Variants in GABRA3 observed in about 807,000 individuals in gnomAD.
The protein encoded by GABRA3 is gamma-aminobutyric acid type A receptor subunit alpha3.
In GABRA3, 10 loss-of-function variants were observed where a neutral mutation model predicts 30.1. That is an observed-to-expected ratio of 0.33 (90% CI 0.20 to 0.56). The LOEUF is 0.56. GABRA3 is among the 20% of genes least tolerant of loss of function. The pLI is 0.89. For synonymous variants in GABRA3, 151 were observed against 146.8 expected (o/e 1.03, Z -0.21); for missense variants, 233 against 392.0 (o/e 0.59, Z 3.42).
chrX:152,232,976 T>C (rs986328282), intron 5 of GABRA3, among the ~76,000 whole-genome samples: 1 of 111,069 alleles, frequency 9.0e-6, no homozygotes, highest in South Asian at 3.8e-4. Flanking sequence ...TCAACATCTG[T>C]TTTTTTGTTT....
intron 9 of GABRA3, among the ~76,000 whole-genome samples, chrX:152,174,073 G>T (rs1006077431): frequency 2.7e-5 from 3 of 110,707 alleles, no homozygotes; most frequent in Non-Finnish European, 5.7e-5. Flanking sequence ...AGTTTGCTGA[G>T]AATGATGGTT....
chrX:152,421,163 C>T (rs1296232970), intron 1 of GABRA3, among the ~76,000 whole-genome samples: 1 of 109,172 alleles, frequency 9.2e-6, no homozygotes, highest in Non-Finnish European at 1.9e-5. Flanking sequence ...TAATATATAC[C>T]TTTCGTTATA....
chrX:152,257,189 T>A (rs1457969739), intron 4 of GABRA3, among the ~76,000 whole-genome samples: 1 of 111,965 alleles, frequency 8.9e-6, no homozygotes, highest in Non-Finnish European at 1.9e-5. Context: ...AATTCCTTAA[T>A]CCATCACAAT....
chrX:152,172,004 T>C (rs1213258103), intron 9 of GABRA3, among the ~76,000 whole-genome samples: 1 of 111,772 alleles, frequency 8.9e-6, no homozygotes, highest in Non-Finnish European at 1.9e-5. Flanking sequence ...AGTGCCTCTG[T>C]GTCAACCCCC....
rs754918690 is a variant in GABRA3, at chrX:152,325,158, A to G, written c.262+20423T>C. On this transcript the variant is annotated intron_variant, in intron 3 of 9. Transcript: ENST00000370314. ...TGATCTATGGATGACTTGTATCCCA[A>G]GTGAGAAGTGATTAGGTGTTTTGTG... Among the ~76,000 whole-genome samples, 7 of 111,507 alleles carry G rather than the reference A, an allele frequency of 6.3e-5. No individual in the cohort carries two copies. In the East Asian group the frequency reaches 2.0e-3, roughly 31 times the overall value.
intron 9 of GABRA3, among the ~76,000 whole-genome samples, chrX:152,173,021 C>T (rs1331119281): frequency 9.0e-6 from 1 of 110,795 alleles, no homozygotes; most frequent in Non-Finnish European, 1.9e-5. Flanking sequence ...ACCCTGCCCT[C>T]AGGAAATCTA....
chrX:152,395,324 C>T (rs1452472586), intron 1 of GABRA3, among the ~76,000 whole-genome samples: 2 of 111,378 alleles, frequency 1.8e-5, no homozygotes, highest in African/African-American at 6.5e-5. Context: ...AATTCAGGAA[C>T]TAATATTCAT....
intron 1 of GABRA3, among the ~76,000 whole-genome samples, chrX:152,381,555 G>C (rs1226528618): frequency 1.8e-5 from 2 of 111,394 alleles, no homozygotes; most frequent in Non-Finnish European, 3.8e-5. Flanking sequence ...ATTGATACTT[G>C]TTTCTTTTTT....
At chrX:152,273,605 C>A (rs920596060) in intron 4 of GABRA3, among the ~76,000 whole-genome samples, 3 of 111,993 alleles carry the variant, frequency 2.7e-5, no homozygotes, top group African/African-American at 9.7e-5. Context: ...TACTATTCAG[C>A]CTTAAGTATA....
chrX:152,385,417 T>C (rs924638961), intron 1 of GABRA3, among the ~76,000 whole-genome samples: 3 of 111,989 alleles, frequency 2.7e-5, no homozygotes, highest in Non-Finnish European at 3.8e-5. Context: ...AGGAATACCA[T>C]ACCACAATGA....
chrX:152,448,411 G>T (rs892328330), intron 1 of GABRA3, among the ~76,000 whole-genome samples: 8 of 112,066 alleles, frequency 7.1e-5, no homozygotes, highest in African/African-American at 2.6e-4. Flanking sequence ...TTTCAGAGTT[G>T]AAAGACCCTC....
chrX:152,372,954 C>G (rs746961623), intron 1 of GABRA3, among the ~76,000 whole-genome samples: 6 of 111,523 alleles, frequency 5.4e-5, no homozygotes, highest in African/African-American at 2.0e-4. Flanking sequence ...TTGAAACCAT[C>G]TCTCATCTAT....
intron 3 of GABRA3, among the ~76,000 whole-genome samples, chrX:152,315,152 C>T (rs1225318340): frequency 3.6e-5 from 4 of 110,861 alleles, no homozygotes; most frequent in Non-Finnish European, 7.6e-5. Context: ...CCTGCAGGAC[C>T]CGGGAGACAG....
intron 5 of GABRA3, among the ~76,000 whole-genome samples, chrX:152,225,434 A>ACACACACACACACACACACACG (rs1937931153): frequency 1.8e-4 from 1 of 5,529 alleles, no homozygotes; most frequent in African/African-American, 3.4e-4. Context: ...ACACACACGC[A>ACACACACACACACACACACACG]CACACACACA....
chrX:152,401,266 G>GTATATATATATATA (rs747896105), intron 1 of GABRA3, among the ~76,000 whole-genome samples: 130 of 97,298 alleles, frequency 1.3e-3, no homozygotes, highest in African/African-American at 4.8e-3. Flanking sequence ...TTTAATGTGT[G>GTATATATATATATA]TATATATATA....
chrX:152,226,190 C>A (rs748142907), intron 5 of GABRA3, among the ~76,000 whole-genome samples: 1 of 111,720 alleles, frequency 9.0e-6, no homozygotes, highest in South Asian at 3.8e-4. Flanking sequence ...AAGATCTTAA[C>A]AAGAAAATAT....
chrX:152,303,829 G>A lies in GABRA3; in HGVS notation c.263-19094C>T, dbSNP rs1004559410. On this transcript the variant is annotated intron_variant, in intron 3 of 9. Transcript: ENST00000370314. ...CCTGTCAGGGGGTGGGGGCCAACGGGGGGAGAGCATTAGGACAAACACCTA... is the reference window on the plus strand; with the variant it reads ...CCTGTCAGGGGGTGGGGGCCAACGGAGGGAGAGCATTAGGACAAACACCTA... Among the ~76,000 whole-genome samples the A allele has an allele frequency of 1.0e-4, 11 of 110,309 alleles. No individual in the cohort carries two copies. The Admixed American group carries it at 1.1e-3, about 11-fold the overall frequency.
chrX:152,423,111 T>C (rs1353145661), intron 1 of GABRA3, among the ~76,000 whole-genome samples: 1 of 111,956 alleles, frequency 8.9e-6, no homozygotes, highest in Non-Finnish European at 1.9e-5. Flanking sequence ...GAACAACAAA[T>C]ACTATAAAAC....
intron 1 of GABRA3, among the ~76,000 whole-genome samples, chrX:152,425,963 C>T (rs769964743): frequency 2.7e-5 from 3 of 111,227 alleles, no homozygotes; most frequent in South Asian, 3.8e-4. Flanking sequence ...TTGCTTTCCA[C>T]GAACACAGAA....
Sources: allele counts gnomAD v4.1 joint callset (sites outside exome capture counted in the v4.1 genomes callset), GRCh38; gene constraint gnomAD v4.1.1; transcripts MANE v1.5; gene names NCBI Gene and HGNC (gene_info 2026-07-23, HGNC 2026-07-21).